LRRTM4: variants seen among roughly 807,000 people sequenced by gnomAD.
LRRTM4 encodes the protein leucine-rich repeat transmembrane neuronal protein 4.
A neutral mutation model predicts 47.6 loss-of-function variants in LRRTM4; 25 were observed. The observed-to-expected ratio is 0.53, with a 90% CI of 0.38 to 0.73. The LOEUF (loss-of-function observed/expected upper bound fraction) is 0.73, where lower values mean the gene tolerates loss of function less well. Among genes scored for constraint, LRRTM4 ranks in the 30% least tolerant of loss-of-function variants. The probability of loss-of-function intolerance (pLI) is 0.00; values close to 1 mark genes in which losing one functional copy is unlikely to be tolerated. For missense variants in LRRTM4, 638 were observed against 713.4 expected (o/e 0.89, Z 1.20); for synonymous variants, 311 against 269.5 (o/e 1.15, Z -1.51).
At chr2:76,944,945 T>C (rs1413810623) in intron 3 of LRRTM4, among the ~76,000 whole-genome samples, 6 of 152,086 alleles carry the variant, frequency 3.9e-5, no homozygotes, top group Non-Finnish European at 8.8e-5. Context: ...CAGAGCTTCC[T>C]TGGGAAGTTT....
chr2:77,255,677 G>A (rs899408096), intron 3 of LRRTM4, among the ~76,000 whole-genome samples: 33 of 151,912 alleles, frequency 2.2e-4, no homozygotes, highest in Middle Eastern at 3.4e-3. Flanking sequence ...TCCATGTGTC[G>A]AATAGAATAT....
intron 3 of LRRTM4, among the ~76,000 whole-genome samples, chr2:77,226,353 A>G (rs979040021): frequency 4.0e-5 from 6 of 151,600 alleles, no homozygotes; most frequent in Non-Finnish European, 8.8e-5. Context: ...AACAGCTTCT[A>G]TTCTTTTTTA....
intron 3 of LRRTM4, among the ~76,000 whole-genome samples, chr2:77,428,125 G>A (rs1029878228): frequency 1.3e-5 from 2 of 152,190 alleles, no homozygotes; most frequent in Non-Finnish European, 2.9e-5. Flanking sequence ...ATGTGAAGAA[G>A]GATGTGTTTC....
chr2:77,507,497 T>C (rs186369197), intron 3 of LRRTM4, among the ~76,000 whole-genome samples: 6 of 152,166 alleles, frequency 3.9e-5, no homozygotes, highest in African/African-American at 1.4e-4. Flanking sequence ...CTCCAGTCAT[T>C]TGGGAAAAGC....
chr2:76,908,082 C>G (rs377726230), intron 3 of LRRTM4, among the ~76,000 whole-genome samples: 1 of 151,584 alleles, frequency 6.6e-6, no homozygotes, highest in Non-Finnish European at 1.5e-5. Flanking sequence ...AACATTGATG[C>G]AAAAATCCTC....
At chr2:77,247,561 G>A (rs1014936793) in intron 3 of LRRTM4, among the ~76,000 whole-genome samples, 1 of 152,052 alleles carries the variant, frequency 6.6e-6, no homozygotes, top group African/African-American at 2.4e-5. Flanking sequence ...CCATTTTGAA[G>A]ATACTGTACC....
intron 3 of LRRTM4, among the ~76,000 whole-genome samples, chr2:77,252,971 T>C (rs1242056153): frequency 2.6e-5 from 4 of 152,098 alleles, no homozygotes; most frequent in South Asian, 4.1e-4. Context: ...CTTTTAAATC[T>C]ATGTAAAATT....
At chr2:77,387,764 G>A (rs1317791751) in intron 3 of LRRTM4, among the ~76,000 whole-genome samples, 1 of 152,058 alleles carries the variant, frequency 6.6e-6, no homozygotes, top group Non-Finnish European at 1.5e-5. Context: ...TACCTGATGA[G>A]GAAAATTACT....
chr2:77,281,990 T>G (rs1191158679), intron 3 of LRRTM4, among the ~76,000 whole-genome samples: 1 of 151,962 alleles, frequency 6.6e-6, no homozygotes, highest in African/African-American at 2.4e-5. Flanking sequence ...GTTGGTAGTT[T>G]GATAGGAACA....
intron 3 of LRRTM4, among the ~76,000 whole-genome samples, chr2:76,812,580 G>C (rs1391176704): frequency 6.6e-6 from 1 of 152,088 alleles, no homozygotes; most frequent in African/African-American, 2.4e-5. Context: ...ATTACCAAGA[G>C]ACACTTAATT....
intron 3 of LRRTM4, among the ~76,000 whole-genome samples, chr2:77,208,270 A>G (rs899023926): frequency 1.6e-4 from 25 of 152,302 alleles, no homozygotes; most frequent in Non-Finnish European, 1.9e-4. Context: ...ACTAGATGCT[A>G]TAAGGGACTT....
At chr2:77,221,757 G>T (rs1404961017) in intron 3 of LRRTM4, among the ~76,000 whole-genome samples, 1 of 151,874 alleles carries the variant, frequency 6.6e-6, no homozygotes, top group Admixed American at 6.6e-5. Context: ...AATAATAATG[G>T]GAGACTTTAA....
chr2:76,902,028 A>G (rs1479246737), intron 3 of LRRTM4, among the ~76,000 whole-genome samples: 2 of 152,192 alleles, frequency 1.3e-5, no homozygotes, highest in East Asian at 1.9e-4. Context: ...AGAACAAGAT[A>G]GTTTTCTCAG....
At chr2:77,262,060 G>A (rs2104043158) in intron 3 of LRRTM4, among the ~76,000 whole-genome samples, 1 of 152,196 alleles carries the variant, frequency 6.6e-6, no homozygotes, top group South Asian at 2.1e-4. Context: ...TGTGAACTGA[G>A]CATGCAAAGG....
At chr2:77,174,665 CTTTAAG>C (rs72243658) in intron 3 of LRRTM4, among the ~76,000 whole-genome samples, 9,188 of 151,958 alleles carry the variant, frequency 0.06, 631 homozygotes, top group African/African-American at 0.17. Context: ...TTTTTTTATA[CTTTAAG>C]TTTTAGGGTA....
intron 3 of LRRTM4, among the ~76,000 whole-genome samples, chr2:77,135,919 C>G (rs940921880): frequency 5.9e-5 from 9 of 151,612 alleles, no homozygotes; most frequent in African/African-American, 2.2e-4. Flanking sequence ...TAACAGCATT[C>G]AAAACATTAC....
chr2:77,023,848 C>T (rs1165942317), intron 3 of LRRTM4, among the ~76,000 whole-genome samples: 1 of 152,180 alleles, frequency 6.6e-6, no homozygotes, highest in East Asian at 1.9e-4. Flanking sequence ...TCCAAAGTCA[C>T]TTCCACATTT....
intron 3 of LRRTM4, among the ~76,000 whole-genome samples, chr2:77,151,493 G>T (rs907886959): frequency 6.6e-6 from 1 of 152,104 alleles, no homozygotes. Context: ...GTTCATTGTA[G>T]CATTATTCAT....
At chr2:77,251,801 A>G (rs1675625607) in intron 3 of LRRTM4, among the ~76,000 whole-genome samples, 1 of 152,012 alleles carries the variant, frequency 6.6e-6, no homozygotes, top group African/African-American at 2.4e-5. Flanking sequence ...CTTCACATAC[A>G]TGGTATTTTG....
Sources: allele counts gnomAD v4.1 joint callset (sites outside exome capture counted in the v4.1 genomes callset), GRCh38; gene constraint gnomAD v4.1.1; transcripts MANE v1.5; gene names NCBI Gene and HGNC (gene_info 2026-07-23, HGNC 2026-07-21).